BLTP3B: variants seen among roughly 807,000 people sequenced by gnomAD.
BLTP3B encodes bridge-like lipid transfer protein family member 3B.
the BLTP3B span, chr12:100,086,368 A>T: frequency 1.7e-6 from 1 of 577,706 alleles, no homozygotes; most frequent in Non-Finnish European, 2.9e-6. Flanking sequence ...TCTGGGAAAA[A>T]AAAAGGGGGG....
At chr12:100,102,268 C>T in the BLTP3B span, among the ~76,000 whole-genome samples, 4 of 152,168 alleles carry the variant, frequency 2.6e-5, no homozygotes, top group South Asian at 4.2e-4. Context: ...TGGCGCCATG[C>T]CCAGCTAAAG....
chr12:100,118,112 AT>A, the BLTP3B span, among the ~76,000 whole-genome samples: 10,424 of 151,892 alleles, frequency 0.069, 391 homozygotes, highest in South Asian at 0.089. Context: ...AAATTTTTGT[AT>A]TTTTTTTAAA....
the BLTP3B span, chr12:100,142,585 C>A: frequency 6.2e-7 from 1 of 1,608,122 alleles, no homozygotes; most frequent in Middle Eastern, 1.7e-4. Flanking sequence ...CCGAGGCGCT[C>A]ACTGACCTGG....
chr12:100,130,193 C>CA, the BLTP3B span, among the ~76,000 whole-genome samples: 1 of 152,164 alleles, frequency 6.6e-6, no homozygotes, highest in Non-Finnish European at 1.5e-5. Flanking sequence ...CTCCTGACCT[C>CA]AAGTGATGCG....
At chr12:100,057,619 G>C in the BLTP3B span, 1 of 1,611,422 alleles carries the variant, frequency 6.2e-7, no homozygotes, top group Non-Finnish European at 8.5e-7. Context: ...TCTAATAACT[G>C]TTCTTCCAAT....
chr12:100,094,815 G>T, the BLTP3B span, among the ~76,000 whole-genome samples: 1 of 152,182 alleles, frequency 6.6e-6, no homozygotes, highest in Non-Finnish European at 1.5e-5. Context: ...AGCTGAGATT[G>T]TGCCAGTGAA....
the BLTP3B span, chr12:100,088,765 C>T: frequency 3.6e-6 from 2 of 550,068 alleles, no homozygotes; most frequent in African/African-American, 3.9e-5. Flanking sequence ...TATATGCTTC[C>T]AGTTGTGCCT....
the BLTP3B span, chr12:100,047,434 G>A: frequency 8.0e-6 from 7 of 872,660 alleles, no homozygotes; most frequent in East Asian, 1.1e-4. Context: ...GGAGGCAGAG[G>A]TTTGCAGTAG....
the BLTP3B span, among the ~76,000 whole-genome samples, chr12:100,062,445 A>G: frequency 6.6e-6 from 1 of 152,246 alleles, no homozygotes; most frequent in Non-Finnish European, 1.5e-5. Flanking sequence ...ATGAGGGTGC[A>G]ACATACTATA....
chr12:100,119,056 C>T, the BLTP3B span, among the ~76,000 whole-genome samples: 3 of 151,952 alleles, frequency 2.0e-5, no homozygotes, highest in East Asian at 1.9e-4. Context: ...GAGCCGAGAT[C>T]GCGCCACTGC....
chr12:100,042,182 T>C, the BLTP3B span, among the ~76,000 whole-genome samples: 1 of 152,202 alleles, frequency 6.6e-6, no homozygotes, highest in Non-Finnish European at 1.5e-5. Context: ...CCCAAATTTA[T>C]CTACAGCTTT....
chr12:100,128,331 G>C, the BLTP3B span, among the ~76,000 whole-genome samples: 1 of 152,096 alleles, frequency 6.6e-6, no homozygotes, highest in South Asian at 2.1e-4. Context: ...ATAACTTTAA[G>C]TATGTTGCCA....
At chr12:100,037,707 T>C in the BLTP3B span, 1 of 1,611,238 alleles carries the variant, frequency 6.2e-7, no homozygotes, top group Non-Finnish European at 8.5e-7. Flanking sequence ...GCAAGAGCCA[T>C]TTTAGCTTTA....
At chr12:100,060,019 T>C in the BLTP3B span, 1 of 1,605,290 alleles carries the variant, frequency 6.2e-7, no homozygotes, top group Non-Finnish European at 8.5e-7. Context: ...TGCATTCAGC[T>C]GGCTATAGAG....
chr12:100,107,954 C>T, the BLTP3B span, among the ~76,000 whole-genome samples: 1 of 152,016 alleles, frequency 6.6e-6, no homozygotes, highest in Non-Finnish European at 1.5e-5. Context: ...GTTACCCAGG[C>T]TAGTCTCAAA....
chr12:100,057,707 A>C, the BLTP3B span: 1 of 1,611,938 alleles, frequency 6.2e-7, no homozygotes, highest in Non-Finnish European at 8.5e-7. Flanking sequence ...AAACACAGAG[A>C]GGAGCCAGGT....
chr12:100,093,379 G>T, the BLTP3B span, among the ~76,000 whole-genome samples: 1 of 124,980 alleles, frequency 8.0e-6, no homozygotes, highest in Non-Finnish European at 1.7e-5. Context: ...CGATTCTTTC[G>T]AGTTACCTGC....
the BLTP3B span, among the ~76,000 whole-genome samples, chr12:100,068,303 G>A: frequency 6.6e-6 from 1 of 152,200 alleles, no homozygotes; most frequent in East Asian, 1.9e-4. Flanking sequence ...ATATGTGGGA[G>A]AATGAAACTG....
At chr12:100,075,096 C>T in the BLTP3B span, among the ~76,000 whole-genome samples, 9 of 151,946 alleles carry the variant, frequency 5.9e-5, no homozygotes, top group Admixed American at 3.9e-4. Context: ...ACTGCAACCT[C>T]TGCCTCCCGG....
Sources: gnomAD v4.1 joint callset for allele counts (sites outside exome capture counted in the v4.1 genomes callset) on GRCh38, gnomAD v4.1.1 for gene constraint, MANE v1.5 for transcripts, NCBI Gene and HGNC (gene_info 2026-07-23, HGNC 2026-07-21) for gene names.